FRAS1: variants seen among roughly 807,000 people sequenced by gnomAD.
The protein encoded by FRAS1 is Fraser extracellular matrix complex subunit 1, also known as extracellular matrix organizing protein FRAS1.
Under a neutral mutation model 435.2 loss-of-function variants are expected in FRAS1, and 290 were observed. That is an observed-to-expected ratio of 0.67 (90% CI 0.61 to 0.73). FRAS1 has a LOEUF of 0.73. Ranked by LOEUF, FRAS1 falls within the 30% of genes least tolerant of loss-of-function variation. FRAS1 has a pLI of 0.00. For synonymous variants in FRAS1, 1,800 were observed against 1,851.0 expected (o/e 0.97, Z 0.71); for missense variants, 4,860 against 5,001.5 (o/e 0.97, Z 0.85).
At position 78,180,954 on chromosome 4, in the gene FRAS1, C is replaced by T; in HGVS notation, c.109-56556C>T. The T allele has an allele frequency of 2.5e-6, 4 of 1,610,444 alleles. No individual in the cohort carries two copies. The Admixed American group carries it at 5.0e-5, about 20-fold the overall frequency. On this transcript the variant is annotated intron_variant, in intron 2 of 73. Transcript: ENST00000512123. ...GGTCCTGCTGCCACGGTTTGGGCGC[C>T]CACCACGCCCATGTCCACCTTGTCC...
At chr4:78,406,390 G>T (rs185830156) in intron 30 of FRAS1, among the ~76,000 whole-genome samples, 5 of 152,320 alleles carry the variant, frequency 3.3e-5, no homozygotes, top group Admixed American at 3.3e-4. Context: ...TGGACTCACA[G>T]TTCCACATGG....
At position 78,429,221 on chromosome 4, in the gene FRAS1, C is replaced by G; in HGVS notation, c.4838C>G (p.Ser1613Cys). 6.2e-7 allele frequency: 1 copy of G among 1,606,820 alleles called. No homozygotes were observed. Among genetic ancestry groups the G allele is most frequent in the African/African-American group, 1.3e-5 (1 of 74,924 alleles). ...RLAVSPGGST[S>C]VGLQVVVRDA... ...GCGGTCAGCCCAGGAGGCAGCACTTCTGTAGGTAAGAACTGGGAGCCTGAT... is the reference window on the plus strand; with the variant it reads ...GCGGTCAGCCCAGGAGGCAGCACTTGTGTAGGTAAGAACTGGGAGCCTGAT... The change falls in exon 36 of 74, where the codon TCT (serine) becomes TGT (cysteine). Residue 1613 changes from serine to cysteine, a missense_variant. Physicochemically the swap from Ser to Cys is moderately radical, Grantham distance 112. Transcript: ENST00000512123.
At chr4:78,405,703 A>G (rs1357208813) in intron 30 of FRAS1, among the ~76,000 whole-genome samples, 2 of 152,210 alleles carry the variant, frequency 1.3e-5, no homozygotes, top group East Asian at 3.8e-4. Context: ...CCTATAGAAT[A>G]TTTTAAAAAT....
chr4:78,418,132 C>T (rs554642092), intron 32 of FRAS1, among the ~76,000 whole-genome samples: 4 of 152,278 alleles, frequency 2.6e-5, no homozygotes, highest in East Asian at 1.9e-4. Context: ...TCGCATCAGC[C>T]GTCTGATTAA....
chr4:78,242,320 T>G (rs1417498130), intron 3 of FRAS1, among the ~76,000 whole-genome samples: 1 of 152,250 alleles, frequency 6.6e-6, no homozygotes, highest in Admixed American at 6.5e-5. Flanking sequence ...TCTACCATGT[T>G]GCTTTTAAGT....
At chr4:78,260,865 G>A (rs773249805) in intron 6 of FRAS1, among the ~76,000 whole-genome samples, 11 of 152,064 alleles carry the variant, frequency 7.2e-5, no homozygotes, top group Admixed American at 2.0e-4. Flanking sequence ...TAATTCAAAC[G>A]TCTTTCAGAA....
rs1734551899 is a variant in FRAS1, at chr4:78,439,084, A to C, written c.5529+20A>C. 1 of 1,600,982 alleles carries C rather than the reference A, an allele frequency of 6.2e-7. No homozygotes were observed. The highest frequency in any genetic ancestry group is 1.7e-5 in the Admixed American group (1 of 59,700). The stretch of plus-strand genomic sequence containing the variant: ...ATCACGGTAAACAATTCTCAGATCA[A>C]TAAACAGTGAGTACTATAGAGAGCT... On this transcript the variant is annotated intron_variant, in intron 40 of 73. Coordinates refer to ENST00000512123, the MANE Select transcript of FRAS1 (RefSeq NM_025074.7).
At chr4:78,125,149 C>T (rs1719270738) in intron 2 of FRAS1, among the ~76,000 whole-genome samples, 2 of 152,210 alleles carry the variant, frequency 1.3e-5, no homozygotes, top group African/African-American at 4.8e-5. Context: ...TCCCTCTACA[C>T]ACTGCTTTAA....
At chr4:78,498,236 GCAGT>G (rs898266697) in intron 60 of FRAS1, among the ~76,000 whole-genome samples, 6 of 152,338 alleles carry the variant, frequency 3.9e-5, no homozygotes, top group African/African-American at 1.2e-4. Flanking sequence ...AAGGCCGGGT[GCAGT>G]GGCTCATGCC....
chr4:78,466,280 C>A lies in FRAS1; in HGVS notation c.7102C>A (p.His2368Asn), dbSNP rs769039259. The A allele has an allele frequency of 3.7e-6, 6 of 1,613,806 alleles. No homozygotes were observed. In the South Asian group the frequency reaches 6.6e-5, roughly 18 times the overall value. The change falls in exon 50 of 74, where the codon CAT becomes AAT. Residue 2368 changes from histidine (H) to asparagine (N), a missense_variant. Transcript: ENST00000512123. ...GTIERTSNGQHFHLTSTFTMK... is the reference protein window; with the variant it reads ...GTIERTSNGQNFHLTSTFTMK... ...CATCGAGCGAACCAGCAATGGGCAGCATTTCCACCTCACCTCCACCTTCAC... is the reference window on the plus strand; with the variant it reads ...CATCGAGCGAACCAGCAATGGGCAGAATTTCCACCTCACCTCCACCTTCAC...
At chr4:78,520,725 A>C (rs1319829148) in intron 67 of FRAS1, among the ~76,000 whole-genome samples, 2 of 152,188 alleles carry the variant, frequency 1.3e-5, no homozygotes, top group Admixed American at 1.3e-4. Context: ...TTTTATTCTT[A>C]TATTTTCTAT....
chr4:78,490,323 A>G (rs28568377), intron 59 of FRAS1, among the ~76,000 whole-genome samples: 33,410 of 152,056 alleles, frequency 0.22, 4,190 homozygotes, highest in African/African-American at 0.33. Context: ...ACATCTACAG[A>G]GCTCTCCACC....
chr4:78,307,754 C>T (rs542066187), intron 14 of FRAS1, among the ~76,000 whole-genome samples: 1 of 152,356 alleles, frequency 6.6e-6, no homozygotes, highest in South Asian at 2.1e-4. Context: ...CGCCCACTGT[C>T]TGGCATTCCT....
At chr4:78,379,053 A>G (rs533209434) in intron 26 of FRAS1, 2 of 152,278 alleles carry the variant, frequency 1.3e-5, no homozygotes, top group African/African-American at 4.8e-5. Context: ...AACCACTGGG[A>G]GGCTTATTGT....
intron 49 of FRAS1, among the ~76,000 whole-genome samples, chr4:78,465,880 T>G (rs1719511159): frequency 6.6e-6 from 1 of 152,232 alleles, no homozygotes; most frequent in African/African-American, 2.4e-5. Context: ...TTTGGGTAGA[T>G]GTAGGGGAAG....
intron 19 of FRAS1, among the ~76,000 whole-genome samples, chr4:78,335,772 G>GT (rs1374094752): frequency 6.6e-6 from 1 of 152,108 alleles, no homozygotes; most frequent in East Asian, 1.9e-4. Flanking sequence ...AGTCCAGTAT[G>GT]TTTTTTAAGA....
chr4:78,058,132 G>GT (rs1319569966), intron 1 of FRAS1, 47 bp downstream of exon 1: 2 of 1,491,646 alleles, frequency 1.3e-6, no homozygotes, highest in African/African-American at 2.8e-5. Context: ...GTGTGCGTGT[G>GT]TGTGTGTATG....
intron 2 of FRAS1, among the ~76,000 whole-genome samples, chr4:78,199,688 G>A (rs1722967402): frequency 6.6e-6 from 1 of 152,184 alleles, no homozygotes; most frequent in South Asian, 2.1e-4. Flanking sequence ...CTGGCATGGT[G>A]TCCAGACTTC....
intron 47 of FRAS1, among the ~76,000 whole-genome samples, 194 bp from the exon 48 acceptor site, chr4:78,463,825 CAT>C (rs1164108340): frequency 1.3e-5 from 2 of 152,208 alleles, no homozygotes; most frequent in Non-Finnish European, 2.9e-5. Context: ...ATTAAGTTAA[CAT>C]GTGTTCCCAC....
Sources: gnomAD v4.1 joint callset for allele counts (sites outside exome capture counted in the v4.1 genomes callset) on GRCh38, gnomAD v4.1.1 for gene constraint, MANE v1.5 for transcripts, NCBI Gene and HGNC (gene_info 2026-07-23, HGNC 2026-07-21) for gene names.